The following ZCWPW1 variants were observed in gnomAD, a reference collection of about 807,000 sequenced individuals.
The protein encoded by ZCWPW1 is zinc finger CW-type PWWP domain protein 1.
In ZCWPW1, 56 loss-of-function variants were observed where a neutral mutation model predicts 81.3. The ratio of observed to expected loss-of-function variants is 0.69; its 90% CI spans 0.56 to 0.86. The LOEUF (loss-of-function observed/expected upper bound fraction) is 0.86, where lower values mean the gene tolerates loss of function less well. Ranked by LOEUF, ZCWPW1 falls within the 40% of genes least tolerant of loss-of-function variation. The pLI, the probability that ZCWPW1 is intolerant of heterozygous loss-of-function variation, is 0.00. For synonymous variants in ZCWPW1, 250 were observed against 273.7 expected (o/e 0.91, Z 0.86); for missense variants, 650 against 769.8 (o/e 0.84, Z 1.84).
chr7:100,425,180 A>C (rs1797082136), intron 1 of ZCWPW1, 44 bp from the exon 2 acceptor site: 1 of 152,220 alleles, frequency 6.6e-6, no homozygotes, highest in African/African-American at 2.4e-5. Flanking sequence ...AGTTAATAAA[A>C]ATATAAAATA....
At chr7:100,416,125 G>A (rs777510432) in intron 7 of ZCWPW1, 28 bp from the exon 8 acceptor site, 4 of 1,612,060 alleles carry the variant, frequency 2.5e-6, no homozygotes, top group Non-Finnish European at 2.5e-6. Flanking sequence ...AACGTGAGGT[G>A]GGGAGATGAA....
rs1157421980 is a variant in ZCWPW1, at chr7:100,416,132, TGAA to T, written c.632-38_632-36del. ...AAAAAGAAAACGTGAGGTGGGGAGA[TGAA>T]GAAGACAATCTTTGTAGATAGTAAA... On this transcript the variant is annotated intron_variant, in intron 7 of 17. Transcript: ENST00000684423. 3.7e-6 allele frequency: 6 copies of T among 1,611,330 alleles called. No homozygotes were observed. The African/African-American group carries it at 4.0e-5, about 11-fold the overall frequency.
At chr7:100,402,685 G>T (rs564632296) in intron 15 of ZCWPW1, 109 bp from the exon 16 acceptor site, 3 of 1,076,988 alleles carry the variant, frequency 2.8e-6, no homozygotes, top group Non-Finnish European at 4.3e-6. Context: ...AATCAAAGTA[G>T]CTTCTGTGAG....
intron 10 of ZCWPW1, 137 bp from the exon 11 acceptor site, chr7:100,407,440 TG>T: frequency 1.4e-6 from 1 of 722,080 alleles, no homozygotes. Context: ...TCACCCAGGC[TG>T]GAGTGCAGTG....
At chr7:100,418,550 A>G (rs1795770690) in intron 5 of ZCWPW1, among the ~76,000 whole-genome samples, 1 of 152,050 alleles carries the variant, frequency 6.6e-6, no homozygotes, top group Admixed American at 6.6e-5. Flanking sequence ...CCCAGCACTG[A>G]GAGGCTGAGG....
intron 12 of ZCWPW1, 53 bp downstream of exon 12, chr7:100,406,641 A>T: frequency 6.5e-7 from 1 of 1,534,966 alleles, no homozygotes; most frequent in Non-Finnish European, 9.0e-7. Flanking sequence ...AGGTTTAAGA[A>T]AAGGAAGATT....
chr7:100,420,822 C>CA, intron 2 of ZCWPW1, 144 bp from the exon 3 acceptor site: 1 of 698,690 alleles, frequency 1.4e-6, no homozygotes, highest in Non-Finnish European at 2.4e-6. Context: ...GCCAATTACA[C>CA]ACCAGGGAAT....
chr7:100,404,196 T>C lies in ZCWPW1; in HGVS notation c.1303A>G (p.Ser435Gly). 6.2e-7 allele frequency: 1 copy of C among 1,614,186 alleles called. No individual in the cohort carries two copies. Among genetic ancestry groups the C allele is most frequent in the Non-Finnish European group, 8.5e-7 (1 of 1,180,010 alleles). The change falls in exon 14 of 18, where the codon AGT becomes GGT. Residue 435 changes from serine (S) to glycine (G), a missense_variant. Ser to Gly is a moderately conservative substitution (Grantham distance 56, BLOSUM62 0). Coordinates refer to ENST00000684423, the MANE Select transcript of ZCWPW1 (RefSeq NM_001386010.1). Reference sequence around the variant, plus strand: ...ATCCTACCTTTTCTTTCCCCATTACTGTTAGATCCGTTGAATCGGCTCCAG... The same window carrying C: ...ATCCTACCTTTTCTTTCCCCATTACCGTTAGATCCGTTGAATCGGCTCCAG... ...GFWSRFNGSN[S>G]NGERKDLQLS...
chr7:100,408,562 C>T lies in ZCWPW1; in HGVS notation c.969G>A (p.Trp323Ter), dbSNP rs764112012. 2.5e-6 allele frequency: 4 copies of T among 1,613,920 alleles called. No individual in the cohort carries two copies. The Admixed American group carries it at 6.7e-5, about 27-fold the overall frequency. The change falls in exon 10 of 18, where the codon TGG (tryptophan) becomes TGA (stop). Residue 323 changes from tryptophan (W) to a stop codon, truncating the protein, a stop_gained. Transcript: ENST00000684423. LOFTEE classifies it high-confidence loss of function. ...ACCAGGGGTAACCGTATTGCTTGGCCCAGATGATGGATCCTGGGATGTAGG... is the reference window on the plus strand; with the variant it reads ...ACCAGGGGTAACCGTATTGCTTGGCTCAGATGATGGATCCTGGGATGTAGG... ...YASYIPGSII[W>*]AKQYGYPWWP...
chr7:100,403,423 G>T (rs906734493), intron 15 of ZCWPW1, among the ~76,000 whole-genome samples: 3 of 152,136 alleles, frequency 2.0e-5, no homozygotes, highest in Admixed American at 6.5e-5. Context: ...CACTGTGTTA[G>T]CCAGGATGGT....
chr7:100,405,009 C>T lies in ZCWPW1; in HGVS notation c.1254+4G>A. The stretch of plus-strand genomic sequence containing the variant: ...GAATGGGTGTGGTCTGAACACCCTC[C>T]CACCTGAATGCTGATCTGTTCTGCC... On this transcript the variant is annotated splice_donor_region_variant and intron_variant, in intron 13 of 17. Transcript: ENST00000684423. The T allele has an allele frequency of 6.2e-7, 1 of 1,612,966 alleles. No individual in the cohort carries two copies. The highest frequency in any genetic ancestry group is 1.3e-5 in the African/African-American group (1 of 74,986).
At chr7:100,417,376 G>A (rs1306108685) in intron 5 of ZCWPW1, 193 bp from the exon 6 acceptor site, 7 of 526,940 alleles carry the variant, frequency 1.3e-5, no homozygotes, top group South Asian at 2.7e-5. Flanking sequence ...TTTCCAGATC[G>A]ATCTGCCTCA....
chr7:100,428,151 G>A (rs1413375692), intron 1 of ZCWPW1, among the ~76,000 whole-genome samples: 2 of 152,130 alleles, frequency 1.3e-5, no homozygotes, highest in Non-Finnish European at 2.9e-5. Context: ...AAACTAGCTG[G>A]CTACCTTCAG....
intron 3 of ZCWPW1, among the ~76,000 whole-genome samples, chr7:100,420,251 T>C (rs1308552101): frequency 6.6e-6 from 1 of 152,220 alleles, no homozygotes; most frequent in Admixed American, 6.5e-5. Flanking sequence ...AGAGCAAATT[T>C]TTAAAAACTA....
At position 100,403,808 on chromosome 7, in the gene ZCWPW1, AG is replaced by A. The variant is rs755043591; in HGVS notation, c.1322-24del. On this transcript the variant is annotated intron_variant, in intron 14 of 17. Transcript: ENST00000684423. ...AGTCTAGAACAGGAAAAGGAAGGAAAGGCTAAATCATTCATACCATAAAATA... is the reference window on the plus strand; with the variant it reads ...AGTCTAGAACAGGAAAAGGAAGGAAAGCTAAATCATTCATACCATAAAATA... 2.5e-6 allele frequency: 4 copies of A among 1,600,934 alleles called. No homozygotes were observed. In the East Asian group the frequency reaches 8.9e-5, roughly 36 times the overall value.
At chr7:100,416,823 G>A (rs989988271) in intron 6 of ZCWPW1, among the ~76,000 whole-genome samples, 19 of 152,016 alleles carry the variant, frequency 1.2e-4, no homozygotes, top group African/African-American at 2.2e-4. Context: ...GCAGGCGCCT[G>A]TAATCCCAGC....
intron 10 of ZCWPW1, 148 bp from the exon 11 acceptor site, chr7:100,407,451 G>A: frequency 1.5e-6 from 1 of 681,164 alleles, no homozygotes; most frequent in Non-Finnish European, 2.5e-6. Context: ...GGAGTGCAGT[G>A]TTACAACCAT....
In ZCWPW1 at chr7:100,409,411, T is replaced by C. The variant is rs1793736600; in HGVS notation, c.871+17A>G. On this transcript the variant is annotated intron_variant, in intron 9 of 17. Transcript: ENST00000684423. Reference sequence around the variant, plus strand: ...GAACAATAAAACATGAATGAAAACATTTCCAGTCTTTTCTACCTGTGTTCT... The same window carrying C: ...GAACAATAAAACATGAATGAAAACACTTCCAGTCTTTTCTACCTGTGTTCT... 3 of 1,567,300 alleles carry C rather than the reference T, an allele frequency of 1.9e-6. No individual in the cohort carries two copies. The highest frequency in any genetic ancestry group is 8.8e-7 in the Non-Finnish European group (1 of 1,140,346).
intron 2 of ZCWPW1, among the ~76,000 whole-genome samples, chr7:100,423,637 C>T (rs183614301): frequency 1.5e-4 from 23 of 152,256 alleles, no homozygotes; most frequent in Admixed American, 7.9e-4. Context: ...GGCACATTTT[C>T]TTGCTGTTTC....
Sources: allele counts gnomAD v4.1 joint callset (sites outside exome capture counted in the v4.1 genomes callset), GRCh38; gene constraint gnomAD v4.1.1; transcripts MANE v1.5; gene names NCBI Gene and HGNC (gene_info 2026-07-23, HGNC 2026-07-21).